The following UBE2Q2 variants were observed in gnomAD, a reference collection of about 807,000 sequenced individuals.
UBE2Q2 encodes ubiquitin-conjugating enzyme E2 Q2.
UBE2Q2 carries 54 observed loss-of-function variants against 59.9 expected under a neutral mutation model. The ratio of observed to expected loss-of-function variants is 0.90; its 90% CI spans 0.72 to 1.13. UBE2Q2 has a LOEUF of 1.13. Ranked by LOEUF, UBE2Q2 falls within the 50% of genes most tolerant of loss-of-function variation. UBE2Q2 has a pLI of 0.00. For missense variants in UBE2Q2, 433 were observed against 441.9 expected, an observed-to-expected ratio of 0.98 and a Z score of 0.18; for synonymous variants, 165 against 155.2, an observed-to-expected ratio of 1.06 and a Z score of -0.47.
In UBE2Q2 at chr15:75,876,204, A is replaced by T; in HGVS notation, c.606A>T (p.Ser202=). ...TGTTTCAGGGTGCAGTGTCTGGGTC[A>T]GTGCAAGCTTCAGATAGACTTATGA... ...QDHLNGAVSG[S]VQASDRLMKE... Residue 202 remains serine (S), a synonymous_variant, in exon 6 of 13, where the codon TCA becomes TCT. Transcript: ENST00000267938. The T allele has an allele frequency of 6.2e-7, 1 of 1,614,056 alleles. No individual in the cohort carries two copies. The highest frequency in any genetic ancestry group is 2.2e-5 in the East Asian group (1 of 44,876).
At chr15:75,889,036 T>G (rs1340212387) in intron 9 of UBE2Q2, among the ~76,000 whole-genome samples, 4 of 152,218 alleles carry the variant, frequency 2.6e-5, no homozygotes, top group Non-Finnish European at 5.9e-5. Context: ...CTTTCAGCAA[T>G]TGTGGAACCA....
intron 1 of UBE2Q2, among the ~76,000 whole-genome samples, chr15:75,851,499 T>C (rs1319467842): frequency 6.6e-6 from 1 of 152,184 alleles, no homozygotes; most frequent in Non-Finnish European, 1.5e-5. Flanking sequence ...CAGGATATTC[T>C]TGGAAAACGG....
intron 7 of UBE2Q2, among the ~76,000 whole-genome samples, chr15:75,878,627 A>T (rs1049936234): frequency 1.3e-4 from 16 of 120,066 alleles, no homozygotes; most frequent in South Asian, 8.5e-4. Context: ...AAAAAAAAAA[A>T]GTTGGGGGGA....
chr15:75,846,821 A>G (rs1023568962), intron 1 of UBE2Q2, among the ~76,000 whole-genome samples: 4 of 152,200 alleles, frequency 2.6e-5, no homozygotes, highest in African/African-American at 9.6e-5. Context: ...TTGAGAAACT[A>G]AGTTGTTTTT....
chr15:75,894,702 C>T (rs1169686803), intron 11 of UBE2Q2, among the ~76,000 whole-genome samples: 1 of 151,990 alleles, frequency 6.6e-6, no homozygotes, highest in Non-Finnish European at 1.5e-5. Flanking sequence ...TCTGCAGAAA[C>T]ATTTGTTTAA....
chr15:75,865,441 T>C (rs1897410787), intron 3 of UBE2Q2, among the ~76,000 whole-genome samples: 1 of 152,220 alleles, frequency 6.6e-6, no homozygotes, highest in Non-Finnish European at 1.5e-5. Context: ...GACATGTGGG[T>C]TGTTTCCAGT....
intron 12 of UBE2Q2, 126 bp from the exon 13 acceptor site, chr15:75,899,301 A>AT (rs1438555441): frequency 5.0e-5 from 15 of 298,028 alleles, no homozygotes; most frequent in Non-Finnish European, 7.5e-5. Context: ...ATATATATAT[A>AT]TATTTTTTAC....
intron 1 of UBE2Q2, among the ~76,000 whole-genome samples, chr15:75,847,578 T>C (rs1896419634): frequency 6.6e-6 from 1 of 152,230 alleles, no homozygotes; most frequent in Non-Finnish European, 1.5e-5. Context: ...AACTTAAGTA[T>C]AGTTTTTCCA....
intron 9 of UBE2Q2, among the ~76,000 whole-genome samples, chr15:75,889,526 C>A (rs1898973788): frequency 6.6e-6 from 1 of 152,028 alleles, no homozygotes. Flanking sequence ...GTGGTCTTGG[C>A]AAGTCTTCTG....
At chr15:75,849,360 T>A (rs1896521047) in intron 1 of UBE2Q2, among the ~76,000 whole-genome samples, 1 of 152,126 alleles carries the variant, frequency 6.6e-6, no homozygotes, top group African/African-American at 2.4e-5. Flanking sequence ...GCATCAGTTT[T>A]AAAAAAATGA....
intron 2 of UBE2Q2, among the ~76,000 whole-genome samples, chr15:75,856,840 G>A (rs920103167): frequency 6.6e-6 from 1 of 152,086 alleles, no homozygotes; most frequent in African/African-American, 2.4e-5. Flanking sequence ...GCTACTTGGA[G>A]GCTGAGGCAG....
chr15:75,856,376 T>TA (rs1239803588), intron 2 of UBE2Q2, among the ~76,000 whole-genome samples: 2 of 151,010 alleles, frequency 1.3e-5, no homozygotes, highest in South Asian at 2.1e-4. Context: ...GGGTAAATGA[T>TA]AAAAAAATAA....
At chr15:75,874,326 C>T (rs984202214) in intron 5 of UBE2Q2, among the ~76,000 whole-genome samples, 1 of 151,164 alleles carries the variant, frequency 6.6e-6, no homozygotes, top group African/African-American at 2.4e-5. Flanking sequence ...CTCTGTCTCC[C>T]GGGCTGGAGT....
At chr15:75,863,591 A>C (rs1013849277) in intron 3 of UBE2Q2, among the ~76,000 whole-genome samples, 7 of 150,398 alleles carry the variant, frequency 4.7e-5, no homozygotes, top group Non-Finnish European at 1.0e-4. Flanking sequence ...GATTACAGGC[A>C]CATGTCACTA....
chr15:75,865,979 A>G (rs1457554027), intron 3 of UBE2Q2, among the ~76,000 whole-genome samples: 3 of 152,126 alleles, frequency 2.0e-5, no homozygotes, highest in Non-Finnish European at 4.4e-5. Flanking sequence ...GTCTTGATGG[A>G]GCTAGATATA....
rs1160678933 is a variant in UBE2Q2 at position 75,897,016 on chromosome 15, G to T, written c.1051G>T (p.Ala351Ser). 1 of 1,571,842 alleles carries T rather than the reference G, an allele frequency of 6.4e-7. No homozygotes were observed. The highest frequency in any genetic ancestry group is 1.2e-5 in the South Asian group (1 of 84,260). ...ANKNQYNLAR[A>S]QQSYNSIVQI... ...TCAGAATCAATATAATCTAGCAAGA[G>T]CCCAACAATCCTATAATTCCATTGT... The change falls in exon 12 of 13, where the codon GCC becomes TCC. Residue 351 changes from alanine to serine, a missense_variant. Physicochemically the swap from Ala to Ser is moderately conservative, Grantham distance 99 (BLOSUM62 1). Coordinates refer to ENST00000267938, the MANE Select transcript of UBE2Q2 (RefSeq NM_173469.4).
chr15:75,878,091 C>A (rs1898187231), intron 7 of UBE2Q2, 70 bp downstream of exon 7: 1 of 1,331,540 alleles, frequency 7.5e-7, no homozygotes, highest in Non-Finnish European at 1.1e-6. Context: ...TATTTTCCTT[C>A]TAACTTGATA....
At chr15:75,891,645 A>G (rs1164185497) in intron 11 of UBE2Q2, among the ~76,000 whole-genome samples, 2 of 152,194 alleles carry the variant, frequency 1.3e-5, no homozygotes, top group East Asian at 1.9e-4. Context: ...GATTGGAACT[A>G]GACAGTCTGG....
rs958455097 is a variant in UBE2Q2 at position 75,890,915 on chromosome 15, G to A, written c.934-4G>A. The A allele has an allele frequency of 7.4e-6, 12 of 1,612,304 alleles. No individual in the cohort carries two copies. Among genetic ancestry groups the A allele is most frequent in the Non-Finnish European group, 1.0e-5 (12 of 1,179,354 alleles). ...TATTTTAGAGATACTTTGTTCTTCT[G>A]TAGGGCTGGAGCAGTGCCTACTCAA... is the stretch of plus-strand genomic sequence containing the variant. On this transcript the variant is annotated splice_polypyrimidine_tract_variant and splice_region_variant and intron_variant, in intron 10 of 12. Transcript: ENST00000267938.
Sources: gnomAD v4.1 joint callset for allele counts (sites outside exome capture counted in the v4.1 genomes callset) on GRCh38, gnomAD v4.1.1 for gene constraint, MANE v1.5 for transcripts, NCBI Gene and HGNC (gene_info 2026-07-23, HGNC 2026-07-21) for gene names.